Variants in HHLA2 observed in about 807,000 individuals in gnomAD.
The protein encoded by HHLA2 is HERV-H LTR-associating protein 2.
HHLA2 carries 48 observed loss-of-function variants against 45.9 expected under a neutral mutation model. The observed-to-expected ratio is 1.05, with a 90% confidence interval of 0.83 to 1.33. The LOEUF is 1.33. Among genes scored for constraint, HHLA2 ranks in the 40% most tolerant of loss-of-function variants. HHLA2 has a pLI of 0.00. For missense variants in HHLA2, 462 were observed against 494.3 expected, an observed-to-expected ratio of 0.93 and a Z score of 0.62; for synonymous variants, 161 against 173.9, an observed-to-expected ratio of 0.93 and a Z score of 0.59.
exon 3 of HHLA2, chr3:108,328,336 G>A (rs891973112): frequency 1.6e-5 from 24 of 1,530,440 alleles, no homozygotes; most frequent in Admixed American, 9.9e-5. Context: ...AGCCTAGAAC[G>A]CACCTCCTCT....
At chr3:108,367,003 G>A (rs1165543345) in intron 8 of HHLA2, among the ~76,000 whole-genome samples, 1 of 152,178 alleles carries the variant, frequency 6.6e-6, no homozygotes, top group Non-Finnish European at 1.5e-5. Context: ...GCCTCCAGAG[G>A]AAGGAGCAGG....
chr3:108,371,190 AG>A (rs2107509114), intron 8 of HHLA2, among the ~76,000 whole-genome samples: 1 of 152,360 alleles, frequency 6.6e-6, no homozygotes, highest in African/African-American at 2.4e-5. Flanking sequence ...CTCAAAGAAA[AG>A]AATTTTCAAC....
In HHLA2 at chr3:108,305,758, G is replaced by A. The variant is rs1360892138; in HGVS notation, c.-191-4897G>A. On this transcript the variant is annotated intron_variant, in intron 1 of 10. Coordinates refer to ENST00000619531, the Ensembl canonical transcript of HHLA2. Reference sequence around the variant, plus strand: ...CAGTTAAGGTCAGTGACACATTTGAGCCAAGGAAATCTGAGGCACACAGAC... The same window carrying A: ...CAGTTAAGGTCAGTGACACATTTGAACCAAGGAAATCTGAGGCACACAGAC... Among the ~76,000 whole-genome samples, 75 of 152,174 alleles carry A rather than the reference G, an allele frequency of 4.9e-4. 1 individual carries two copies.
At chr3:108,367,547 A>G (rs1036069780) in intron 8 of HHLA2, among the ~76,000 whole-genome samples, 5 of 151,894 alleles carry the variant, frequency 3.3e-5, no homozygotes, top group African/African-American at 1.2e-4. Context: ...CAGCATGAGA[A>G]CTCGTGAAGC....
intron 2 of HHLA2, among the ~76,000 whole-genome samples, 164 bp downstream of exon 2, chr3:108,310,905 C>G (rs765977420): frequency 6.6e-6 from 1 of 152,096 alleles, no homozygotes; most frequent in Non-Finnish European, 1.5e-5. Context: ...ATTTCTTGCA[C>G]AAGAAATAGT....
At chr3:108,346,114 C>T in intron 3 of HHLA2, among the ~76,000 whole-genome samples, 1 of 79,326 alleles carries the variant, frequency 1.3e-5, no homozygotes, top group South Asian at 3.5e-4. Flanking sequence ...CCTCACCTCC[C>T]CCAAAACGTT....
intron 3 of HHLA2, among the ~76,000 whole-genome samples, chr3:108,343,436 G>C (rs2081609823): frequency 6.6e-6 from 1 of 152,210 alleles, no homozygotes; most frequent in Non-Finnish European, 1.5e-5. Context: ...AGTCAGGTTA[G>C]CAACCGCTTT....
intron 8 of HHLA2, 106 bp from the exon 8 acceptor site, chr3:108,375,644 A>G (rs373879755): frequency 7.2e-7 from 1 of 1,387,384 alleles, no homozygotes; most frequent in East Asian, 2.7e-5. Flanking sequence ...AAAGAACCAG[A>G]GAGTGACTTT....
chr3:108,308,410 T>A (rs999609045), intron 1 of HHLA2, among the ~76,000 whole-genome samples: 11 of 152,262 alleles, frequency 7.2e-5, no homozygotes, highest in Non-Finnish European at 1.3e-4. Context: ...TATCCATTTA[T>A]CTGTTGATGG....
intron 2 of HHLA2, among the ~76,000 whole-genome samples, chr3:108,319,767 TG>T (rs954869542): frequency 6.6e-6 from 1 of 152,248 alleles, no homozygotes. Flanking sequence ...GTATCTCTTT[TG>T]CTAGTTAGCA....
intron 8 of HHLA2, 62 bp from the exon 8 acceptor site, chr3:108,375,688 T>G (rs1223970628): frequency 1.1e-5 from 18 of 1,571,496 alleles, no homozygotes; most frequent in Admixed American, 1.8e-5. Flanking sequence ...AAGGTGACCT[T>G]ACAGGGAAAC....
At chr3:108,376,498 T>C (rs2082277299) in exon 10 of HHLA2, 2 of 1,601,970 alleles carry the variant, frequency 1.2e-6, no homozygotes, top group Non-Finnish European at 1.7e-6. Context: ...TGTAGAAAGA[T>C]GTTGTGTCCC....
intron 2 of HHLA2, among the ~76,000 whole-genome samples, chr3:108,319,475 G>A (rs560035316): frequency 1.3e-5 from 2 of 152,184 alleles, no homozygotes; most frequent in East Asian, 3.9e-4. Flanking sequence ...TAAATCTTCT[G>A]CAATAATTCT....
chr3:108,355,386 GCTC>G lies in HHLA2; in HGVS notation c.685+7_685+9del. ...CAGGGCGCTGGACGATGAAAGGTAG[GCTC>G]CACAGGACTTTCTGTGTACACGTGC... On this transcript the variant is annotated splice_donor_region_variant and intron_variant, in intron 6 of 10. Coordinates refer to ENST00000619531, the Ensembl canonical transcript of HHLA2. 2 of 1,611,388 alleles carry G rather than the reference GCTC, an allele frequency of 1.2e-6. No individual in the cohort carries two copies. The highest frequency in any genetic ancestry group is 1.7e-6 in the Non-Finnish European group (2 of 1,178,300).
intron 3 of HHLA2, among the ~76,000 whole-genome samples, chr3:108,340,484 A>G (rs1331625904): frequency 2.6e-5 from 4 of 152,230 alleles, no homozygotes; most frequent in African/African-American, 7.2e-5. Context: ...GAGAATTTCT[A>G]GTTATAGAAA....
exon 5 of HHLA2, chr3:108,353,651 A>C: frequency 1.2e-6 from 2 of 1,613,746 alleles, no homozygotes; most frequent in African/African-American, 2.7e-5. Flanking sequence ...CCTTTTCTAT[A>C]ATGAGATTCA....
intron 6 of HHLA2, 61 bp downstream of exon 5, chr3:108,355,442 C>G: frequency 6.6e-7 from 1 of 1,516,920 alleles, no homozygotes. Flanking sequence ...GTAATGGGGA[C>G]TGATTTGCAA....
intron 8 of HHLA2, among the ~76,000 whole-genome samples, chr3:108,363,153 T>C (rs1400158858): frequency 6.6e-6 from 1 of 152,220 alleles, no homozygotes; most frequent in Non-Finnish European, 1.5e-5. Context: ...GGGAATACTT[T>C]CCTAAAGTAC....
intron 1 of HHLA2, among the ~76,000 whole-genome samples, chr3:108,306,395 T>C (rs1207521500): frequency 6.6e-6 from 1 of 152,214 alleles, no homozygotes; most frequent in African/African-American, 2.4e-5. Context: ...AAATAGATTA[T>C]CTTCTGTCCT....
Sources: gnomAD v4.1 joint callset for allele counts (sites outside exome capture counted in the v4.1 genomes callset) on GRCh38, gnomAD v4.1.1 for gene constraint, MANE v1.5 for transcripts, NCBI Gene and HGNC (gene_info 2026-07-23, HGNC 2026-07-21) for gene names.